PTPRM: variants seen among roughly 807,000 people sequenced by gnomAD.
The protein encoded by PTPRM is protein tyrosine phosphatase receptor type M.
Under a neutral mutation model 186.7 loss-of-function variants are expected in PTPRM, and 47 were observed. The ratio of observed to expected loss-of-function variants is 0.25; its 90% confidence interval spans 0.20 to 0.32. The LOEUF is 0.32. Among genes scored for constraint, PTPRM ranks in the 10% least tolerant of loss-of-function variants. PTPRM has a pLI of 1.00. For synonymous variants in PTPRM, 668 were observed against 674.9 expected, an observed-to-expected ratio of 0.99 and a Z score of 0.16; for missense variants, 1,494 against 1,865.0, an observed-to-expected ratio of 0.80 and a Z score of 3.66.
intron 7 of PTPRM, among the ~76,000 whole-genome samples, chr18:7,964,841 G>A (rs1042704425): frequency 1.3e-5 from 2 of 151,496 alleles, no homozygotes; most frequent in Admixed American, 6.6e-5. Flanking sequence ...AGGTGTGGTC[G>A]GGATAGAAAA....
At chr18:8,310,988 T>C (rs191026966) in intron 20 of PTPRM, among the ~76,000 whole-genome samples, 1 of 152,312 alleles carries the variant, frequency 6.6e-6, no homozygotes, top group Admixed American at 6.5e-5. Flanking sequence ...CTCAGTATTC[T>C]GACAATATTA....
intron 14 of PTPRM, among the ~76,000 whole-genome samples, chr18:8,219,290 AC>A (rs2094126585): frequency 6.6e-6 from 1 of 152,020 alleles, no homozygotes; most frequent in African/African-American, 2.4e-5. Context: ...ACATGGTGAA[AC>A]CCCGTCTCTA....
intron 14 of PTPRM, among the ~76,000 whole-genome samples, chr18:8,210,722 T>C (rs941326840): frequency 6.6e-6 from 1 of 152,156 alleles, no homozygotes; most frequent in Admixed American, 6.5e-5. Flanking sequence ...CACCAGATGA[T>C]ATTTAAAACA....
intron 2 of PTPRM, among the ~76,000 whole-genome samples, chr18:7,863,013 C>T (rs546588390): frequency 2.0e-5 from 3 of 152,122 alleles, no homozygotes; most frequent in South Asian, 4.2e-4. Flanking sequence ...TAGCTTTCTT[C>T]TATTAGGTTT....
intron 2 of PTPRM, among the ~76,000 whole-genome samples, chr18:7,834,491 T>TACACACACATACACACACATACACAC (rs1555613406): frequency 2.4e-4 from 20 of 84,608 alleles, no homozygotes; most frequent in African/African-American, 9.6e-4. Context: ...TATACAAGTA[T>TACACACACATACACACACATACACAC]ACACACACAC....
intron 23 of PTPRM, among the ~76,000 whole-genome samples, chr18:8,346,220 C>T (rs2095504185): frequency 1.3e-5 from 2 of 152,174 alleles, no homozygotes; most frequent in Admixed American, 6.5e-5. Context: ...ACTAGCAGTA[C>T]TGTGTGTCCA....
intron 13 of PTPRM, among the ~76,000 whole-genome samples, chr18:8,137,998 C>T (rs2092677396): frequency 6.6e-6 from 1 of 152,120 alleles, no homozygotes; most frequent in Admixed American, 6.5e-5. Flanking sequence ...GAGCACAAAA[C>T]GTACTAAATA....
intron 3 of PTPRM, among the ~76,000 whole-genome samples, chr18:7,888,754 T>TA (rs1057419406): frequency 6.6e-6 from 1 of 151,966 alleles, no homozygotes; most frequent in Non-Finnish European, 1.5e-5. Context: ...TGGACTGGAT[T>TA]AAAAAAAACA....
At position 7,846,195 on chromosome 18, in the gene PTPRM, G is replaced by C. The variant is rs572454901; in HGVS notation, c.197-41911G>C. Among the ~76,000 whole-genome samples the C allele has an allele frequency of 3.9e-5, 6 of 152,266 alleles. No homozygotes were observed. In the South Asian group the frequency reaches 1.2e-3, roughly 32 times the overall value. The stretch of plus-strand genomic sequence containing the variant: ...AAGCAGAGGAGGGATGTACATCAGA[G>C]TGTCCACTCACACGCCTGAAATAGA... On this transcript the variant is annotated intron_variant, in intron 2 of 32. Coordinates refer to ENST00000580170, the MANE Select transcript of PTPRM (RefSeq NM_001105244.2).
At chr18:8,399,987 G>C (rs2095863697) in intron 32 of PTPRM, among the ~76,000 whole-genome samples, 1 of 152,336 alleles carries the variant, frequency 6.6e-6, no homozygotes, top group African/African-American at 2.4e-5. Flanking sequence ...TTGTTACTGA[G>C]TTGCTGGGAG....
intron 7 of PTPRM, among the ~76,000 whole-genome samples, chr18:7,998,937 A>G (rs9965286): frequency 0.65 from 99,100 of 152,132 alleles, 32,622 homozygotes; most frequent in African/African-American, 0.74. Context: ...TTACAGATGT[A>G]AGCCACTCTC....
At chr18:7,666,979 T>A (rs1314871626) in intron 1 of PTPRM, among the ~76,000 whole-genome samples, 1 of 152,160 alleles carries the variant, frequency 6.6e-6, no homozygotes, top group Non-Finnish European at 1.5e-5. Context: ...AGGTGCACAG[T>A]AATTGTTTTG....
intron 24 of PTPRM, among the ~76,000 whole-genome samples, chr18:8,374,982 G>A (rs1460612852): frequency 1.3e-5 from 2 of 152,316 alleles, no homozygotes; most frequent in Admixed American, 6.5e-5. Context: ...AAATGATCAT[G>A]GAATGAGAGA....
intron 14 of PTPRM, among the ~76,000 whole-genome samples, chr18:8,167,282 C>T (rs1298789025): frequency 2.0e-5 from 3 of 152,228 alleles, no homozygotes; most frequent in Non-Finnish European, 4.4e-5. Context: ...CTCTTTCCCT[C>T]CTCCTATCTG....
At chr18:8,328,641 G>C (rs7241973) in intron 22 of PTPRM, among the ~76,000 whole-genome samples, 2,192 of 152,294 alleles carry the variant, frequency 0.014, 56 homozygotes, top group African/African-American at 0.049. Flanking sequence ...GGGATGCTTT[G>C]AGAAAATGTG....
chr18:7,656,370 G>C (rs1046650647), intron 1 of PTPRM, among the ~76,000 whole-genome samples: 1 of 152,156 alleles, frequency 6.6e-6, no homozygotes, highest in African/African-American at 2.4e-5. Context: ...AGAGTAGTCA[G>C]ATTTGGAAAC....
chr18:8,124,325 T>A (rs1296908273), intron 13 of PTPRM, among the ~76,000 whole-genome samples: 1 of 152,248 alleles, frequency 6.6e-6, no homozygotes, highest in Non-Finnish European at 1.5e-5. Flanking sequence ...AATATTTCTT[T>A]TGCATTTTCC....
In PTPRM at chr18:8,300,041, C is replaced by T. The variant is rs181637419; in HGVS notation, c.2842+3586C>T. On this transcript the variant is annotated intron_variant, in intron 20 of 32. Transcript: ENST00000580170. ...TCAGATGTGATTTGTGTGTCTGGCA[C>T]AATGTTGTCAGAGGCGGGATGGGTT... Among the ~76,000 whole-genome samples, 20 of 152,280 alleles carry T rather than the reference C, an allele frequency of 1.3e-4. No homozygotes were observed. The East Asian group carries it at 3.9e-3, about 29-fold the overall frequency.
intron 1 of PTPRM, among the ~76,000 whole-genome samples, chr18:7,652,924 A>C (rs1327017928): frequency 1.3e-5 from 2 of 152,080 alleles, no homozygotes; most frequent in African/African-American, 4.8e-5. Context: ...CTACTAATAA[A>C]AAAGGGTTCA....
Sources: gnomAD v4.1 joint callset for allele counts (sites outside exome capture counted in the v4.1 genomes callset) on GRCh38, gnomAD v4.1.1 for gene constraint, MANE v1.5 for transcripts, NCBI Gene and HGNC (gene_info 2026-07-23, HGNC 2026-07-21) for gene names.